NTRK3: variants seen among roughly 807,000 people sequenced by gnomAD.
NTRK3 encodes the protein NT-3 growth factor receptor.
A neutral mutation model predicts 91.7 loss-of-function variants in NTRK3; 24 were observed. The ratio of observed to expected loss-of-function variants is 0.26; its 90% CI spans 0.19 to 0.37. The LOEUF is 0.37. Among genes scored for constraint, NTRK3 ranks in the 10% least tolerant of loss-of-function variants. The probability of loss-of-function intolerance (pLI) is 1.00; values close to 1 mark genes in which losing one functional copy is unlikely to be tolerated. For synonymous variants in NTRK3, 483 were observed against 404.0 expected, an observed-to-expected ratio of 1.20 and a Z score of -2.34; for missense variants, 880 against 1,068.9, an observed-to-expected ratio of 0.82 and a Z score of 2.46.
rs2053400019 is a variant in NTRK3 at position 88,127,349 on chromosome 15, C to T, written c.1229-123G>A. On this transcript the variant is annotated intron_variant, in intron 11 of 18. Coordinates refer to ENST00000394480, the Ensembl canonical transcript of NTRK3. ...CCCCCTGCAGAACATCCTCTGAAAG[C>T]CAGGCTCTTGCAGTCTGCCTTCCCC... 19 of 818,222 alleles carry T rather than the reference C, an allele frequency of 2.3e-5. No homozygotes were observed. The South Asian group carries it at 2.7e-4, about 12-fold the overall frequency. 50.7% of individuals were successfully genotyped at this position (818,222 alleles called of 1,614,324 possible).
chr15:87,991,623 A>G (rs1596561069), intron 14 of NTRK3, among the ~76,000 whole-genome samples: 1 of 152,188 alleles, frequency 6.6e-6, no homozygotes, highest in East Asian at 1.9e-4. Context: ...CCTTTCTGAC[A>G]GGCCAATTCT....
At chr15:88,033,017 C>G (rs1404213884) in exon 14 of NTRK3, 1 of 1,599,558 alleles carries the variant, frequency 6.3e-7, no homozygotes, top group Admixed American at 1.7e-5. Context: ...TGGCTGAGTC[C>G]TCCTCACCAC....
chr15:88,054,597 T>C (rs1374443796), intron 13 of NTRK3, among the ~76,000 whole-genome samples: 2 of 152,176 alleles, frequency 1.3e-5, no homozygotes, highest in African/African-American at 2.4e-5. Context: ...TATGACAGCA[T>C]GGCACCTCCT....
chr15:87,943,887 A>G (rs2070156404), intron 14 of NTRK3, among the ~76,000 whole-genome samples: 1 of 152,042 alleles, frequency 6.6e-6, no homozygotes, highest in East Asian at 1.9e-4. Context: ...TATTACTGGA[A>G]GCTCATCTGC....
chr15:87,985,039 A>G (rs2074627248), intron 14 of NTRK3, among the ~76,000 whole-genome samples: 1 of 152,198 alleles, frequency 6.6e-6, no homozygotes. Flanking sequence ...GCCTTGTTGA[A>G]TGCCCCTAAA....
At chr15:88,047,065 A>C (rs1287139355) in intron 13 of NTRK3, among the ~76,000 whole-genome samples, 1 of 152,160 alleles carries the variant, frequency 6.6e-6, no homozygotes, top group Admixed American at 6.5e-5. Flanking sequence ...CATGTACTCT[A>C]AGCCCCTTCA....
At chr15:88,168,598 A>G (rs150157167) in intron 5 of NTRK3, among the ~76,000 whole-genome samples, 17 of 152,366 alleles carry the variant, frequency 1.1e-4, no homozygotes, top group African/African-American at 3.4e-4. Flanking sequence ...AAGGTTTCTG[A>G]GCTGCAAATG....
intron 3 of NTRK3, among the ~76,000 whole-genome samples, chr15:88,217,557 C>G (rs1441863430): frequency 6.6e-6 from 1 of 152,146 alleles, no homozygotes; most frequent in East Asian, 1.9e-4. Context: ...AGCCAGATTT[C>G]TAGAGACAGA....
At chr15:88,088,845 G>T (rs1036818863) in intron 13 of NTRK3, among the ~76,000 whole-genome samples, 1 of 152,118 alleles carries the variant, frequency 6.6e-6, no homozygotes, top group East Asian at 1.9e-4. Context: ...TGGCTTCCCC[G>T]TTCTCCAGCT....
chr15:87,944,859 C>T (rs1467248682), intron 14 of NTRK3, among the ~76,000 whole-genome samples: 1 of 152,206 alleles, frequency 6.6e-6, no homozygotes, highest in African/African-American at 2.4e-5. Context: ...TGGAGTGAGC[C>T]GTTTCACTTC....
At chr15:88,248,208 A>G (rs1459520470) in intron 3 of NTRK3, among the ~76,000 whole-genome samples, 1 of 152,156 alleles carries the variant, frequency 6.6e-6, no homozygotes, top group African/African-American at 2.4e-5. Context: ...AGAGGCCAGG[A>G]CATCATGGGG....
chr15:88,133,029 A>G (rs74027768), intron 10 of NTRK3, among the ~76,000 whole-genome samples: 169 of 152,284 alleles, frequency 1.1e-3, no homozygotes, highest in African/African-American at 3.9e-3. Context: ...GGGGCTTGTT[A>G]AAACATAGCT....
Position 88,006,961 on chromosome 15 carries a change from G to T in NTRK3, c.1585+25896C>A, listed in dbSNP as rs1002710877. ...ACTGAGACCCATCTCAGGAGAGTCT[G>T]CTCAGCTGGGAGAGGCACAGGGAGC... is the stretch of plus-strand genomic sequence containing the variant. On this transcript the variant is annotated intron_variant, in intron 14 of 18. Coordinates refer to ENST00000394480, the Ensembl canonical transcript of NTRK3. Among the ~76,000 whole-genome samples, 4 of 152,254 alleles carry T rather than the reference G, an allele frequency of 2.6e-5. No homozygotes were observed. In the East Asian group the frequency reaches 5.8e-4, roughly 22 times the overall value.
chr15:87,971,055 G>A (rs934703038), intron 14 of NTRK3, among the ~76,000 whole-genome samples: 1 of 152,190 alleles, frequency 6.6e-6, no homozygotes, highest in African/African-American at 2.4e-5. Flanking sequence ...GCAATCTCCT[G>A]TTATGGTAGC....
chr15:88,206,536 T>TCCA (rs2048792490), intron 3 of NTRK3, among the ~76,000 whole-genome samples: 1 of 148,504 alleles, frequency 6.7e-6, no homozygotes, highest in South Asian at 2.1e-4. Flanking sequence ...CGGGCGCCTG[T>TCCA]AGTCCCAGCT....
chr15:88,140,031 T>C (rs996207047), intron 6 of NTRK3, among the ~76,000 whole-genome samples: 2 of 151,662 alleles, frequency 1.3e-5, no homozygotes, highest in Non-Finnish European at 2.9e-5. Context: ...GGACAGAAAA[T>C]GTGTCAAGGA....
chr15:87,891,328 T>C (rs530676403), intron 17 of NTRK3, among the ~76,000 whole-genome samples: 5 of 152,354 alleles, frequency 3.3e-5, no homozygotes, highest in African/African-American at 1.2e-4. Context: ...ATTAGGCTTA[T>C]TTGTTTCATG....
intron 14 of NTRK3, among the ~76,000 whole-genome samples, chr15:87,942,073 T>C (rs1185913413): frequency 6.6e-6 from 1 of 152,058 alleles, no homozygotes; most frequent in African/African-American, 2.4e-5. Flanking sequence ...AGCCTTGGGG[T>C]AGTGTTTTTT....
intron 5 of NTRK3, among the ~76,000 whole-genome samples, chr15:88,182,152 G>C (rs140126452): frequency 6.6e-4 from 100 of 152,246 alleles, no homozygotes; most frequent in Non-Finnish European, 1.1e-3. Flanking sequence ...ACCTGGCCCT[G>C]AACAGTGACC....
Sources: gnomAD v4.1 joint callset for allele counts (sites outside exome capture counted in the v4.1 genomes callset) on GRCh38, gnomAD v4.1.1 for gene constraint, MANE v1.5 for transcripts, NCBI Gene and HGNC (gene_info 2026-07-23, HGNC 2026-07-21) for gene names.